ELAPOR1: variants seen among roughly 807,000 people sequenced by gnomAD.
ELAPOR1 encodes the protein endosome-lysosome associated apoptosis and autophagy regulator 1, also known as endosome/lysosome-associated apoptosis and autophagy regulator 1.
ELAPOR1 carries 77 observed loss-of-function variants against 119.7 expected under a neutral mutation model. The ratio of observed to expected loss-of-function variants is 0.64; its 90% CI spans 0.54 to 0.78. ELAPOR1 has a LOEUF of 0.78. Ranked by LOEUF, ELAPOR1 falls within the 30% of genes least tolerant of loss-of-function variation. ELAPOR1 has a pLI of 0.00. For missense variants in ELAPOR1, 1,115 were observed against 1,270.4 expected (o/e 0.88, Z 1.86); for synonymous variants, 481 against 487.2 (o/e 0.99, Z 0.17).
chr1:109,153,846 A>C (rs1650689967), intron 1 of ELAPOR1, among the ~76,000 whole-genome samples: 1 of 149,056 alleles, frequency 6.7e-6, no homozygotes, highest in Admixed American at 6.7e-5. Flanking sequence ...CTGGTCTGGA[A>C]CTCCTCACCT....
chr1:109,199,075 A>G (rs186119735), intron 18 of ELAPOR1, among the ~76,000 whole-genome samples: 2 of 152,210 alleles, frequency 1.3e-5, no homozygotes, highest in Admixed American at 6.5e-5. Context: ...TGAGGATTAA[A>G]TGAGACAAGG....
intron 1 of ELAPOR1, among the ~76,000 whole-genome samples, chr1:109,124,491 G>C (rs1309241352): frequency 2.0e-5 from 3 of 152,142 alleles, no homozygotes; most frequent in Non-Finnish European, 2.9e-5. Flanking sequence ...ATTTCTATTA[G>C]AATGAAGAAT....
intron 1 of ELAPOR1, among the ~76,000 whole-genome samples, chr1:109,138,604 T>C (rs556698652): frequency 3.9e-5 from 5 of 129,196 alleles, no homozygotes; most frequent in Admixed American, 2.9e-4. Context: ...GGCTAAAACT[T>C]CCTGATTTCC....
intron 10 of ELAPOR1, 144 bp from the exon 11 acceptor site, chr1:109,189,448 G>A: frequency 1.2e-6 from 1 of 838,498 alleles, no homozygotes; most frequent in Non-Finnish European, 1.9e-6. Flanking sequence ...CAAAGTGGCA[G>A]GATAAGTAAC....
chr1:109,203,758 C>G lies in ELAPOR1; in HGVS notation c.*746C>G, dbSNP rs541552261. On this transcript the variant is annotated 3_prime_UTR_variant, in exon 22 of 22. Coordinates refer to ENST00000369939, the MANE Select transcript of ELAPOR1 (RefSeq NM_020775.5). ...GGGCGTGGTGGCGGGTGCCTGTAGTCCCAGCTACTCGGGAGGCTGAGGCGG... is the reference window on the plus strand; with the variant it reads ...GGGCGTGGTGGCGGGTGCCTGTAGTGCCAGCTACTCGGGAGGCTGAGGCGG... 2 of 151,874 alleles carry G rather than the reference C, an allele frequency of 1.3e-5. No homozygotes were observed. The highest frequency in any genetic ancestry group is 1.5e-5 in the Non-Finnish European group (1 of 68,052). The allele number at this position is 151,874 out of a possible 1,614,324, so 9.4% of individuals were successfully genotyped here. A position where few individuals can be genotyped will look rare whatever the true frequency, so the allele number is the denominator to read the frequency against.
chr1:109,156,310 A>T (rs1340691569), intron 1 of ELAPOR1, among the ~76,000 whole-genome samples: 2 of 152,212 alleles, frequency 1.3e-5, no homozygotes, highest in Non-Finnish European at 2.9e-5. Flanking sequence ...ATTTAAAAAA[A>T]AAATAAAATT....
chr1:109,191,488 T>C lies in ELAPOR1; in HGVS notation c.1545+17T>C, dbSNP rs1272822411. ...TTCATGGTGGTACGTTTTCCTTTCT[T>C]TGCCCGCTAGAGGGCCTCCAGGGGA... On this transcript the variant is annotated intron_variant, in intron 12 of 21. Transcript: ENST00000369939. 2 of 1,607,748 alleles carry C rather than the reference T, an allele frequency of 1.2e-6. No individual in the cohort carries two copies.
rs149820133 is a variant in ELAPOR1, at chr1:109,185,595, A to G, written c.1041+462A>G. On this transcript the variant is annotated intron_variant, in intron 8 of 21. Transcript: ENST00000369939. ...TCCAGGCTTTCTGCTTCAGAAAAGA[A>G]CTTTCCCTCCTAGTCTACACTGTCA... Among the ~76,000 whole-genome samples the G allele has an allele frequency of 6.8e-3, 1,037 of 152,174 alleles. 13 individuals are homozygous for G. Among genetic ancestry groups the G allele is most frequent in the African/African-American group, 0.024 (994 of 41,512 alleles).
chr1:109,160,967 A>G (rs937048195), intron 1 of ELAPOR1, among the ~76,000 whole-genome samples: 1 of 152,220 alleles, frequency 6.6e-6, no homozygotes, highest in African/African-American at 2.4e-5. Context: ...AGCTCAGGTA[A>G]AACAATTAAA....
intron 1 of ELAPOR1, among the ~76,000 whole-genome samples, chr1:109,120,108 G>C (rs1648297490): frequency 1.3e-5 from 2 of 152,036 alleles, no homozygotes; most frequent in Admixed American, 1.3e-4. Flanking sequence ...TATAAAAGAG[G>C]CCTGAGGGGC....
chr1:109,192,952 G>C, intron 14 of ELAPOR1, 78 bp downstream of exon 14: 2 of 1,500,674 alleles, frequency 1.3e-6, no homozygotes, highest in Admixed American at 4.0e-5. Context: ...CCTGGGTAGG[G>C]TTCTTGAGAG....
In ELAPOR1 at chr1:109,146,724, T is replaced by C. The variant is rs546776432; in HGVS notation, c.154-15170T>C. ...AGGTAGTCATCAAGATGAACTTAGA[T>C]ATGTCTAAACTAATATTATTACTAT... On this transcript the variant is annotated intron_variant, in intron 1 of 21. Coordinates refer to ENST00000369939, the MANE Select transcript of ELAPOR1 (RefSeq NM_020775.5). Among the ~76,000 whole-genome samples the C allele has an allele frequency of 3.3e-4, 51 of 152,268 alleles. No homozygotes were observed. The East Asian group carries it at 9.6e-3, about 29-fold the overall frequency.
chr1:109,189,247 T>C, intron 10 of ELAPOR1, 53 bp downstream of exon 10: 1 of 1,578,092 alleles, frequency 6.3e-7, no homozygotes, highest in Non-Finnish European at 8.6e-7. Flanking sequence ...CACCCTCAGT[T>C]CTTCCAACTT....
intron 3 of ELAPOR1, among the ~76,000 whole-genome samples, chr1:109,169,135 T>C (rs1651773031): frequency 6.6e-6 from 1 of 151,468 alleles, no homozygotes; most frequent in Non-Finnish European, 1.5e-5. Context: ...TTATATGTTT[T>C]CGTTTTGAGA....
At chr1:109,144,913 CA>C (rs1282365136) in intron 1 of ELAPOR1, among the ~76,000 whole-genome samples, 19 of 152,078 alleles carry the variant, frequency 1.2e-4, no homozygotes, top group African/African-American at 4.1e-4. Context: ...AAGAATCAAA[CA>C]ACTTCTATAA....
In ELAPOR1 at chr1:109,164,610, A is replaced by T. The variant is rs766940439; in HGVS notation, c.386A>T (p.Glu129Val). ...GTGIRFDEWD[E>V]LPHGFASLSA... ...GGCATTCGGTTTGATGAGTGGGATGAGCTGCCCCATGGCTTTGCCAGCCTC... is the reference window on the plus strand; with the variant it reads ...GGCATTCGGTTTGATGAGTGGGATGTGCTGCCCCATGGCTTTGCCAGCCTC... Residue 129 changes from glutamate to valine, a missense_variant, in exon 3 of 22, where the codon GAG (glutamate) becomes GTG (valine). Transcript: ENST00000369939. 84 of 1,614,138 alleles carry T rather than the reference A, an allele frequency of 5.2e-5. No individual in the cohort carries two copies. Among genetic ancestry groups the T allele is most frequent in the Non-Finnish European group, 6.6e-5 (78 of 1,180,048 alleles).
At chr1:109,198,155 C>A in intron 17 of ELAPOR1, 80 bp downstream of exon 17, 1 of 1,088,678 alleles carries the variant, frequency 9.2e-7, no homozygotes, top group Non-Finnish European at 1.4e-6. Flanking sequence ...CCTCTCTAGC[C>A]ACCTACTGCT....
intron 1 of ELAPOR1, among the ~76,000 whole-genome samples, chr1:109,136,761 G>T (rs1407633272): frequency 6.6e-6 from 1 of 152,190 alleles, no homozygotes. Context: ...GTTAGCAACA[G>T]CCTCTGACCG....
intron 1 of ELAPOR1, among the ~76,000 whole-genome samples, chr1:109,144,327 C>T (rs1650046110): frequency 6.6e-6 from 1 of 151,368 alleles, no homozygotes; most frequent in Admixed American, 6.6e-5. Context: ...GCTGAGATTA[C>T]AGGCGTGAGC....
Sources: allele counts gnomAD v4.1 joint callset (sites outside exome capture counted in the v4.1 genomes callset), GRCh38; gene constraint gnomAD v4.1.1; transcripts MANE v1.5; gene names NCBI Gene and HGNC (gene_info 2026-07-23, HGNC 2026-07-21).